Variants in NELL1 observed in about 807,000 individuals in gnomAD.
The protein encoded by NELL1 is neural EGFL like 1, also known as protein kinase C-binding protein NELL1.
In NELL1, 76 loss-of-function variants were observed where a neutral mutation model predicts 107.4. The observed-to-expected ratio is 0.71, with a 90% CI of 0.59 to 0.86. The LOEUF is 0.86. Ranked by LOEUF, NELL1 falls within the 40% of genes least tolerant of loss-of-function variation. NELL1 has a pLI of 0.00. For synonymous variants in NELL1, 353 were observed against 341.2 expected (o/e 1.03, Z -0.38); for missense variants, 1,024 against 1,005.5 (o/e 1.02, Z -0.25).
chr11:21,462,256 G>A (rs1853917524), intron 15 of NELL1, among the ~76,000 whole-genome samples: 1 of 152,108 alleles, frequency 6.6e-6, no homozygotes, highest in South Asian at 2.1e-4. Flanking sequence ...AGCAGACATT[G>A]CTACATTTCA....
rs1045003432 is a variant in NELL1, at chr11:21,236,599, A to G, written c.1549+7145A>G. ...AATGCCTATAGATGCTGAAAGTCCT[A>G]TAGACACTAAATATAGTTATACCAG... On this transcript the variant is annotated intron_variant, in intron 14 of 19. Coordinates refer to ENST00000357134, the MANE Select transcript of NELL1 (RefSeq NM_006157.5). 2.0e-5 allele frequency among the ~76,000 whole-genome samples: 3 copies of G among 152,190 alleles called. No homozygotes were observed. The East Asian group carries it at 5.8e-4, about 29-fold the overall frequency.
chr11:21,059,848 A>T (rs762665661), intron 12 of NELL1, among the ~76,000 whole-genome samples: 1 of 152,150 alleles, frequency 6.6e-6, no homozygotes, highest in Non-Finnish European at 1.5e-5. Context: ...AAATCAGTTC[A>T]TCTTATGACA....
chr11:21,130,452 T>C (rs10741867), intron 13 of NELL1, among the ~76,000 whole-genome samples: 109,316 of 152,080 alleles, frequency 0.72, 39,602 homozygotes, highest in African/African-American at 0.78. Context: ...GAGTTTTGGG[T>C]GGGGCACTTC....
intron 2 of NELL1, among the ~76,000 whole-genome samples, chr11:20,703,336 C>G (rs1055060696): frequency 6.6e-6 from 1 of 152,150 alleles, no homozygotes; most frequent in Middle Eastern, 3.4e-3. Context: ...TCTGTGGGAT[C>G]GGTGGTGATA....
chr11:21,534,648 C>T, intron 16 of NELL1, 134 bp downstream of exon 16: 1 of 940,184 alleles, frequency 1.1e-6, no homozygotes, highest in South Asian at 1.7e-5. Flanking sequence ...TTCAAATTTT[C>T]TCCCTCTACA....
chr11:21,246,468 T>C (rs1164842651), intron 14 of NELL1, among the ~76,000 whole-genome samples: 1 of 152,182 alleles, frequency 6.6e-6, no homozygotes, highest in Non-Finnish European at 1.5e-5. Flanking sequence ...ATGTATTACT[T>C]AATGATGGAG....
At chr11:20,789,062 T>G (rs1359283360) in intron 3 of NELL1, among the ~76,000 whole-genome samples, 5 of 152,228 alleles carry the variant, frequency 3.3e-5, no homozygotes, top group Admixed American at 1.3e-4. Context: ...AGGGCTTATT[T>G]CTGGTCTCTT....
intron 2 of NELL1, among the ~76,000 whole-genome samples, chr11:20,739,899 C>G (rs1432597512): frequency 1.3e-5 from 2 of 152,152 alleles, no homozygotes; most frequent in Non-Finnish European, 2.9e-5. Flanking sequence ...AACAAAGAGA[C>G]AATAACCAAG....
intron 13 of NELL1, among the ~76,000 whole-genome samples, chr11:21,202,953 C>T (rs1227732233): frequency 6.6e-6 from 1 of 152,084 alleles, no homozygotes; most frequent in Non-Finnish European, 1.5e-5. Context: ...GTTTCTTATT[C>T]CTGAGTTCTA....
intron 16 of NELL1, among the ~76,000 whole-genome samples, chr11:21,540,372 G>C (rs898223762): frequency 2.6e-5 from 4 of 152,118 alleles, no homozygotes; most frequent in African/African-American, 9.6e-5. Flanking sequence ...CGCTGGTATT[G>C]ATCATTTTCC....
Position 21,021,173 on chromosome 11 carries a change from T to C in NELL1, c.1300+60613T>C, listed in dbSNP as rs187313538. ...TTATGAACTATATTTGCCTTAAGAG[T>C]TGAGATAAATATGAGTTTACATATT... On this transcript the variant is annotated intron_variant, in intron 12 of 19. Transcript: ENST00000357134. Among the ~76,000 whole-genome samples the C allele has an allele frequency of 3.2e-3, 486 of 151,824 alleles. 1 individual carries two copies. Among genetic ancestry groups the C allele is most frequent in the Middle Eastern group, 0.014 (4 of 294 alleles).
intron 15 of NELL1, among the ~76,000 whole-genome samples, chr11:21,420,913 A>G (rs893787764): frequency 3.3e-5 from 5 of 152,188 alleles, no homozygotes; most frequent in Non-Finnish European, 4.4e-5. Context: ...TCAAAATAAA[A>G]GACCCTTAGG....
In NELL1 at chr11:21,370,902, C is replaced by T; in HGVS notation, c.1599C>T (p.Asn533=). 1.9e-6 allele frequency: 3 copies of T among 1,611,764 alleles called. No individual in the cohort carries two copies. The highest frequency in any genetic ancestry group is 2.5e-6 in the Non-Finnish European group (3 of 1,178,816). The stretch of plus-strand genomic sequence containing the variant: ...ACGGTGGAACGTGTGTGGCTCCCAA[C>T]AAATGTGTCTGTCCATCTGGATTCA... ...CRYGGTCVAP[N]KCVCPSGFTG... The change falls in exon 15 of 20, where the codon AAC becomes AAT. Residue 533 remains asparagine (N), a synonymous_variant. Coordinates refer to ENST00000357134, the MANE Select transcript of NELL1 (RefSeq NM_006157.5).
At chr11:21,284,383 C>T (rs1223366995) in intron 14 of NELL1, 1 of 457,136 alleles carries the variant, frequency 2.2e-6, no homozygotes, top group East Asian at 7.0e-5. Context: ...AGTCTTTGTG[C>T]ATTGCTGAAT....
intron 15 of NELL1, among the ~76,000 whole-genome samples, chr11:21,447,324 C>A (rs1431802577): frequency 6.6e-6 from 1 of 152,050 alleles, no homozygotes; most frequent in Non-Finnish European, 1.5e-5. Flanking sequence ...CTTCCCTCAC[C>A]TTTTCTCAAG....
intron 10 of NELL1, among the ~76,000 whole-genome samples, chr11:20,945,360 C>T (rs891041486): frequency 6.6e-6 from 1 of 152,238 alleles, no homozygotes; most frequent in African/African-American, 2.4e-5. Flanking sequence ...ACCATTCATT[C>T]ACTGGCTTTG....
At chr11:20,830,404 G>T (rs1000410737) in intron 3 of NELL1, among the ~76,000 whole-genome samples, 6 of 150,696 alleles carry the variant, frequency 4.0e-5, no homozygotes, top group African/African-American at 1.2e-4. Context: ...TCTTCTTTTT[G>T]CTCTCTCTTC....
At chr11:21,336,672 T>TAC (rs368167297) in intron 14 of NELL1, among the ~76,000 whole-genome samples, 3 of 106,258 alleles carry the variant, frequency 2.8e-5, no homozygotes, top group African/African-American at 9.4e-5. Flanking sequence ...TATATATATA[T>TAC]ATACACACAC....
At chr11:21,419,329 A>C (rs1852601616) in intron 15 of NELL1, among the ~76,000 whole-genome samples, 1 of 152,124 alleles carries the variant, frequency 6.6e-6, no homozygotes, top group South Asian at 2.1e-4. Flanking sequence ...TGCCATATTA[A>C]ATTGGAAAAA....
Sources: allele counts gnomAD v4.1 joint callset (sites outside exome capture counted in the v4.1 genomes callset), GRCh38; gene constraint gnomAD v4.1.1; transcripts MANE v1.5; gene names NCBI Gene and HGNC (gene_info 2026-07-23, HGNC 2026-07-21).